The following SHCBP1L variants were observed in gnomAD, a reference collection of about 807,000 sequenced individuals.
SHCBP1L encodes SHC binding and spindle associated 1 like, also known as testicular spindle-associated protein SHCBP1L.
A neutral mutation model predicts 62.5 loss-of-function variants in SHCBP1L; 67 were observed. The observed-to-expected ratio is 1.07, with a 90% CI of 0.88 to 1.31. The LOEUF is 1.31. Among genes scored for constraint, SHCBP1L ranks in the 40% most tolerant of loss-of-function variants. SHCBP1L has a pLI of 0.00. For synonymous variants in SHCBP1L, 284 were observed against 289.4 expected (o/e 0.98, Z 0.19); for missense variants, 823 against 809.8 (o/e 1.02, Z -0.20).
Position 182,899,906 on chromosome 1 carries a change from A to G in SHCBP1L, c.*77T>C. 1 of 1,200,724 alleles carries G rather than the reference A, an allele frequency of 8.3e-7. No homozygotes were observed. The allele number at this position is 1,200,724 out of a possible 1,614,324, so 74.4% of individuals were successfully genotyped here. ...TTTAATTAAGCTTTGAATTGAAACT[A>G]CCATTTCAGTGGGGTATGAGAATCA... is the stretch of plus-strand genomic sequence containing the variant. On this transcript the variant is annotated 3_prime_UTR_variant, in exon 10 of 10. Coordinates refer to ENST00000367547, the MANE Select transcript of SHCBP1L (RefSeq NM_030933.4).
At chr1:182,935,086 T>G (rs564609531) in intron 5 of SHCBP1L, among the ~76,000 whole-genome samples, 1 of 152,306 alleles carries the variant, frequency 6.6e-6, no homozygotes, top group African/African-American at 2.4e-5. Flanking sequence ...TATACCATAC[T>G]GTCTTGATTA....
In SHCBP1L at chr1:182,939,384, T is replaced by C; in HGVS notation, c.868A>G (p.Ile290Val). ...GGACCAGGTATTGTTCCATCCTGTATATCACACCACCTGAAAATTATCAAC... is the reference window on the plus strand; with the variant it reads ...GGACCAGGTATTGTTCCATCCTGTACATCACACCACCTGAAAATTATCAAC... ...IEERINLWCD[I>V]QDGTIPGPIA... is the part of the protein sequence containing the mutation. The change falls in exon 5 of 10, where the codon ATA becomes GTA. Residue 290 changes from isoleucine to valine, a missense_variant. Ile to Val is a conservative substitution (Grantham distance 29, BLOSUM62 3). Transcript: ENST00000367547. The C allele has an allele frequency of 6.2e-7, 1 of 1,612,930 alleles. No homozygotes were observed. Among genetic ancestry groups the C allele is most frequent in the Admixed American group, 1.7e-5 (1 of 59,862 alleles).
At chr1:182,949,209 C>T (rs777518910) in intron 2 of SHCBP1L, among the ~76,000 whole-genome samples, 5 of 150,894 alleles carry the variant, frequency 3.3e-5, no homozygotes, top group Non-Finnish European at 7.4e-5. Flanking sequence ...CCATTTCAAT[C>T]AGAAATGTTC....
In SHCBP1L at chr1:182,900,226, T is replaced by C; in HGVS notation, c.1719A>G (p.Pro573=). The C allele has an allele frequency of 1.3e-6, 2 of 1,550,838 alleles. No homozygotes were observed. The highest frequency in any genetic ancestry group is 1.7e-6 in the Non-Finnish European group (2 of 1,151,706). Residue 573 remains proline (P), a synonymous_variant, in exon 10 of 10, where the codon CCA becomes CCG. Coordinates refer to ENST00000367547, the MANE Select transcript of SHCBP1L (RefSeq NM_030933.4). ...TATTAGTCATCTTCAATTTGGGTGC[T>C]GGAAGAACCTATTAAATTATTTGAG... is the stretch of plus-strand genomic sequence containing the variant. ...TLGGVNMKVL[P]APKLKMTNNH...
chr1:182,947,192 G>A (rs1176015932), intron 2 of SHCBP1L, among the ~76,000 whole-genome samples: 2 of 148,242 alleles, frequency 1.3e-5, no homozygotes, highest in African/African-American at 2.5e-5. Context: ...AGCCGAGATC[G>A]CGCCATGGTA....
intron 6 of SHCBP1L, among the ~76,000 whole-genome samples, chr1:182,908,574 C>A (rs1650088032): frequency 6.6e-6 from 1 of 152,114 alleles, no homozygotes; most frequent in South Asian, 2.1e-4. Flanking sequence ...CACATCAAAG[C>A]CTAACTTTTA....
At chr1:182,920,273 C>T (rs1014973075) in intron 6 of SHCBP1L, among the ~76,000 whole-genome samples, 1 of 152,164 alleles carries the variant, frequency 6.6e-6, no homozygotes, top group Non-Finnish European at 1.5e-5. Flanking sequence ...GGGCCTGGTA[C>T]CAGCCCCCCA....
chr1:182,939,798 T>C (rs1651297961), intron 3 of SHCBP1L, among the ~76,000 whole-genome samples: 1 of 152,192 alleles, frequency 6.6e-6, no homozygotes, highest in Non-Finnish European at 1.5e-5. Flanking sequence ...TTTATAGATT[T>C]TGGCTATTAT....
intron 8 of SHCBP1L, among the ~76,000 whole-genome samples, chr1:182,903,933 T>C (rs1424919660): frequency 6.6e-6 from 1 of 152,206 alleles, no homozygotes; most frequent in Non-Finnish European, 1.5e-5. Flanking sequence ...GCCACTCTTT[T>C]CCAGATTTTA....
rs192398966 is a variant in SHCBP1L, at chr1:182,907,965, A to G, written c.1183-2316T>C. 9.8e-5 allele frequency among the ~76,000 whole-genome samples: 15 copies of G among 152,324 alleles called. No homozygotes were observed. In the East Asian group the frequency reaches 2.9e-3, roughly 29 times the overall value. ...TGAAAAATTAACTTGTAAATTCTTA[A>G]CTAAAGAAAACCTTCATTTATATAG... On this transcript the variant is annotated intron_variant, in intron 6 of 9. Transcript: ENST00000367547.
chr1:182,921,345 A>T (rs888910536), intron 6 of SHCBP1L, among the ~76,000 whole-genome samples: 1 of 152,212 alleles, frequency 6.6e-6, no homozygotes, highest in African/African-American at 2.4e-5. Context: ...GAGGTCCTTA[A>T]GGGAGTGCTA....
intron 6 of SHCBP1L, among the ~76,000 whole-genome samples, chr1:182,922,595 T>C (rs1278439503): frequency 6.6e-6 from 1 of 151,680 alleles, no homozygotes; most frequent in Non-Finnish European, 1.5e-5. Flanking sequence ...AGAAGACCTT[T>C]CAAAATCATA....
At chr1:182,933,835 T>C (rs907531426) in intron 5 of SHCBP1L, among the ~76,000 whole-genome samples, 2 of 152,144 alleles carry the variant, frequency 1.3e-5, no homozygotes, top group East Asian at 3.8e-4. Flanking sequence ...CAGAGTAGTA[T>C]ATTGGTCTCA....
chr1:182,903,042 C>A lies in SHCBP1L; in HGVS notation c.1707G>T (p.Met569Ile). Residue 569 changes from methionine to isoleucine, a missense_variant, in exon 9 of 10, where the codon ATG (methionine) becomes ATT (isoleucine). Transcript: ENST00000367547. ...ACATCAAGAAATAAGAGAATACCTT[C>A]ATATTAACTCCACCTAAGGTGCTTT... ...SSKSTLGGVN[M>I]KVLPAPKLKM... 6.3e-7 allele frequency: 1 copy of A among 1,579,208 alleles called. No homozygotes were observed. Among genetic ancestry groups the A allele is most frequent in the South Asian group, 1.2e-5 (1 of 84,364 alleles).
rs1649783438 is a variant in SHCBP1L at position 182,900,180 on chromosome 1, C to T, written c.1765G>A (p.Gly589Ser). 6.2e-7 allele frequency: 1 copy of T among 1,608,870 alleles called. No homozygotes were observed. Among genetic ancestry groups the T allele is most frequent in the Non-Finnish European group, 8.5e-7 (1 of 1,177,792 alleles). The change falls in exon 10 of 10, where the codon GGC becomes AGC. Residue 589 changes from glycine to serine, a missense_variant. Gly to Ser is a moderately conservative substitution (Grantham distance 56). Transcript: ENST00000367547. Reference sequence around the variant, plus strand: ...GGTTGAAGAATGCTTACTCCATAGCCTTTGTTGCTATAAATATGATTATTA... The same window carrying T: ...GGTTGAAGAATGCTTACTCCATAGCTTTTGTTGCTATAAATATGATTATTA... ...MTNNHIYSNKGYGVSILQPME... is the reference protein window; with the variant it reads ...MTNNHIYSNKSYGVSILQPME...
intron 9 of SHCBP1L, among the ~76,000 whole-genome samples, chr1:182,900,501 T>C (rs1649797479): frequency 6.6e-6 from 1 of 152,226 alleles, no homozygotes; most frequent in African/African-American, 2.4e-5. Context: ...GACACAGTCT[T>C]GGCTCACTGC....
intron 2 of SHCBP1L, among the ~76,000 whole-genome samples, chr1:182,946,998 A>G (rs1013550900): frequency 5.3e-5 from 8 of 152,112 alleles, no homozygotes; most frequent in Admixed American, 3.9e-4. Flanking sequence ...GCACTTTGGG[A>G]GGCTGAGGCA....
intron 7 of SHCBP1L, 44 bp downstream of exon 7, chr1:182,905,452 G>A (rs1439736512): frequency 2.5e-6 from 4 of 1,584,678 alleles, no homozygotes; most frequent in South Asian, 1.1e-5. Context: ...AATTTGTCCA[G>A]TATACATTGC....
Position 182,940,327 on chromosome 1 carries a change from AC to A in SHCBP1L, c.770+1del. On this transcript the variant is annotated splice_donor_variant, in intron 3 of 9. Transcript: ENST00000367547. LOFTEE classifies it high-confidence loss of function. ...AATTTTCAAAAGTAAAGGCCCTAATACCTGACAACTTCCAAGGCCAAAGCAA... is the reference window on the plus strand; with the variant it reads ...AATTTTCAAAAGTAAAGGCCCTAATACTGACAACTTCCAAGGCCAAAGCAA... 6.2e-7 allele frequency: 1 copy of A among 1,612,800 alleles called. No homozygotes were observed.
Sources: gnomAD v4.1 joint callset for allele counts (sites outside exome capture counted in the v4.1 genomes callset) on GRCh38, gnomAD v4.1.1 for gene constraint, MANE v1.5 for transcripts, NCBI Gene and HGNC (gene_info 2026-07-23, HGNC 2026-07-21) for gene names.